The following RNF150 variants were observed in gnomAD, a reference collection of about 807,000 sequenced individuals.
The protein encoded by RNF150 is ring finger protein 150.
A neutral mutation model predicts 39.3 loss-of-function variants in RNF150; 24 were observed. The ratio of observed to expected loss-of-function variants is 0.61; its 90% confidence interval spans 0.44 to 0.86. The LOEUF (loss-of-function observed/expected upper bound fraction) is 0.86, where lower values mean the gene tolerates loss of function less well. Ranked by LOEUF, RNF150 falls within the 40% of genes least tolerant of loss-of-function variation. The pLI, the probability that RNF150 is intolerant of heterozygous loss-of-function variation, is 0.00. For missense variants in RNF150, 502 were observed against 587.8 expected (o/e 0.85, Z 1.51); for synonymous variants, 255 against 227.3 (o/e 1.12, Z -1.10).
rs780733297 is a variant in RNF150 at position 141,044,779 on chromosome 4, ACACG to A, written c.485-76910_485-76907del. On this transcript the variant is annotated intron_variant, in intron 1 of 6. Transcript: ENST00000515673. ...GCATGCGGGTGTGCAGCGCACACAC[ACACG>A]CACACACACACACACAATTCATGTG... 1.6e-3 allele frequency among the ~76,000 whole-genome samples: 242 copies of A among 147,152 alleles called. 1 individual carries two copies. The highest frequency in any genetic ancestry group is 5.7e-3 in the African/African-American group (219 of 38,236).
chr4:141,053,078 A>G (rs1476473376), intron 1 of RNF150, among the ~76,000 whole-genome samples: 3 of 152,144 alleles, frequency 2.0e-5, no homozygotes, highest in Non-Finnish European at 4.4e-5. Context: ...GATAAATGAA[A>G]AGTGTTTAAA....
chr4:140,945,563 A>AC (rs1412757260), intron 4 of RNF150, among the ~76,000 whole-genome samples: 3 of 146,756 alleles, frequency 2.0e-5, no homozygotes, highest in African/African-American at 7.6e-5. Context: ...ACATATATAT[A>AC]TACATATATA....
intron 1 of RNF150, among the ~76,000 whole-genome samples, chr4:141,023,165 ATGTG>A (rs1201974025): frequency 1.3e-5 from 2 of 152,302 alleles, no homozygotes; most frequent in Admixed American, 1.3e-4. Context: ...CAATAAAAAT[ATGTG>A]TGTGACAAAT....
At chr4:141,135,727 G>A (rs541774383), upstream of RNF150, among the ~76,000 whole-genome samples, 1 of 152,340 alleles carries the variant, frequency 6.6e-6, no homozygotes, top group South Asian at 2.1e-4. Flanking sequence ...TAAGGCTGAT[G>A]AGTAGGTGTT....
At chr4:140,909,548 A>C (rs1238744267) in intron 6 of RNF150, among the ~76,000 whole-genome samples, 1 of 151,712 alleles carries the variant, frequency 6.6e-6, no homozygotes, top group Non-Finnish European at 1.5e-5. Flanking sequence ...TACACACCAG[A>C]TTCTGAAGAC....
intron 1 of RNF150, among the ~76,000 whole-genome samples, chr4:141,044,304 T>C (rs1736478899): frequency 6.6e-6 from 1 of 152,184 alleles, no homozygotes; most frequent in South Asian, 2.1e-4. Flanking sequence ...AACCACTTAG[T>C]AGCCCATGAA....
intron 1 of RNF150, among the ~76,000 whole-genome samples, chr4:140,977,737 T>C (rs1378841069): frequency 2.6e-5 from 4 of 152,198 alleles, no homozygotes; most frequent in African/African-American, 9.6e-5. Context: ...AATCAACTTA[T>C]TTGAATTCAC....
chr4:141,106,906 AAATGAAATC>A (rs1214149501), intron 1 of RNF150, among the ~76,000 whole-genome samples: 1 of 152,186 alleles, frequency 6.6e-6, no homozygotes, highest in African/African-American at 2.4e-5. Context: ...TCTAAGAATC[AAATGAAATC>A]AGGTAGAGGA....
intron 1 of RNF150, among the ~76,000 whole-genome samples, chr4:141,182,863 G>A (rs948933650): frequency 8.4e-5 from 12 of 143,652 alleles, no homozygotes; most frequent in African/African-American, 1.8e-4. Context: ...AAAAGAGCCC[G>A]CATCGCCAAG....
At chr4:140,910,059 A>ATTCT (rs1730533541) in intron 6 of RNF150, among the ~76,000 whole-genome samples, 1 of 152,166 alleles carries the variant, frequency 6.6e-6, no homozygotes, top group Non-Finnish European at 1.5e-5. Flanking sequence ...GATTTTTTTC[A>ATTCT]TTCTTTTTTT....
At chr4:140,885,031 C>A (rs1729510315) in intron 6 of RNF150, among the ~76,000 whole-genome samples, 2 of 152,052 alleles carry the variant, frequency 1.3e-5, no homozygotes, top group African/African-American at 4.8e-5. Flanking sequence ...ATACACATTT[C>A]TTAAGTCCGT....
At chr4:140,923,047 G>C (rs1420306541) in intron 5 of RNF150, among the ~76,000 whole-genome samples, 1 of 150,638 alleles carries the variant, frequency 6.6e-6, no homozygotes, top group African/African-American at 2.5e-5. Context: ...TACCATTCAG[G>C]ACATAGGCAT....
chr4:141,205,388 A>G (rs1216413115), intron 1 of RNF150, among the ~76,000 whole-genome samples: 2 of 152,142 alleles, frequency 1.3e-5, no homozygotes, highest in African/African-American at 2.4e-5. Flanking sequence ...TCTTTTCTAT[A>G]CTATGCTTCA....
chr4:140,990,432 C>T (rs946539533), intron 1 of RNF150, among the ~76,000 whole-genome samples: 4 of 152,084 alleles, frequency 2.6e-5, no homozygotes, highest in Non-Finnish European at 1.5e-5. Context: ...GTTTGCTGCA[C>T]CCATCACCTA....
intron 4 of RNF150, among the ~76,000 whole-genome samples, chr4:140,942,516 G>T (rs1202736435): frequency 1.3e-5 from 2 of 152,188 alleles, no homozygotes; most frequent in Non-Finnish European, 2.9e-5. Context: ...TTAAGTCCAG[G>T]TGGCACTGAC....
chr4:141,078,591 C>A (rs1451293608), intron 1 of RNF150, among the ~76,000 whole-genome samples: 1 of 151,094 alleles, frequency 6.6e-6, no homozygotes, highest in African/African-American at 2.4e-5. Flanking sequence ...ACCATCCTGG[C>A]CAACATGGTG....
intron 1 of RNF150, among the ~76,000 whole-genome samples, chr4:141,101,278 T>C (rs960700940): frequency 6.6e-6 from 1 of 152,264 alleles, no homozygotes; most frequent in African/African-American, 2.4e-5. Flanking sequence ...AATATCCTTA[T>C]TCTATACTTT....
chr4:140,952,349 A>C (rs1732574120), intron 2 of RNF150, among the ~76,000 whole-genome samples: 1 of 152,222 alleles, frequency 6.6e-6, no homozygotes, highest in Non-Finnish European at 1.5e-5. Context: ...TGAACTAGAA[A>C]TAATGTTTTC....
At chr4:140,885,200 T>TC (rs1017620068) in intron 6 of RNF150, among the ~76,000 whole-genome samples, 4 of 139,940 alleles carry the variant, frequency 2.9e-5, no homozygotes, top group African/African-American at 1.1e-4. Context: ...CCAACATCAG[T>TC]CTTTTTTTTT....
Sources: gnomAD v4.1 joint callset for allele counts (sites outside exome capture counted in the v4.1 genomes callset) on GRCh38, gnomAD v4.1.1 for gene constraint, MANE v1.5 for transcripts, NCBI Gene and HGNC (gene_info 2026-07-23, HGNC 2026-07-21) for gene names.